Variants in SYT16 observed in about 807,000 individuals in gnomAD.
SYT16 encodes the protein synaptotagmin-16.
A neutral mutation model predicts 61.4 loss-of-function variants in SYT16; 42 were observed. The observed-to-expected ratio is 0.68, with a 90% CI of 0.53 to 0.89. The LOEUF (loss-of-function observed/expected upper bound fraction) is 0.89, where lower values mean the gene tolerates loss of function less well. SYT16 is among the 40% of genes least tolerant of loss of function. The pLI is 0.00. For missense variants in SYT16, 804 were observed against 807.3 expected (o/e 1.00, Z 0.05); for synonymous variants, 314 against 302.3 (o/e 1.04, Z -0.40).
At chr14:61,852,458 C>T (rs2046645909) in intron 1 of SYT16, among the ~76,000 whole-genome samples, 1 of 152,080 alleles carries the variant, frequency 6.6e-6, no homozygotes, top group East Asian at 1.9e-4. Context: ...CTGTAAAGAA[C>T]ATCAATGGTA....
In SYT16 at chr14:62,093,987, T is replaced by C. The variant is rs1595400275; in HGVS notation, c.1625-6407T>C. 2.6e-5 allele frequency among the ~76,000 whole-genome samples: 4 copies of C among 152,260 alleles called. No individual in the cohort carries two copies. The South Asian group carries it at 8.3e-4, about 32-fold the overall frequency. On this transcript the variant is annotated intron_variant, in intron 7 of 7. Transcript: ENST00000683842. Reference sequence around the variant, plus strand: ...AGGCACTCCCCGTTTACTGAGGTGATGATATTCAAAATGTGACCTCCATTG... The same window carrying C: ...AGGCACTCCCCGTTTACTGAGGTGACGATATTCAAAATGTGACCTCCATTG...
intron 1 of SYT16, among the ~76,000 whole-genome samples, chr14:61,849,975 T>C (rs1378594889): frequency 6.6e-6 from 1 of 152,184 alleles, no homozygotes; most frequent in Non-Finnish European, 1.5e-5. Flanking sequence ...TTTTTTTCCA[T>C]AGATATTGAA....
At chr14:61,993,076 C>T (rs1475329693) in intron 2 of SYT16, among the ~76,000 whole-genome samples, 1 of 151,700 alleles carries the variant, frequency 6.6e-6, no homozygotes, top group South Asian at 2.1e-4. Flanking sequence ...GATATGAGGC[C>T]AAGAATATGA....
At chr14:61,887,564 T>G (rs1409542913) in intron 1 of SYT16, among the ~76,000 whole-genome samples, 1 of 152,158 alleles carries the variant, frequency 6.6e-6, no homozygotes, top group Admixed American at 6.5e-5. Context: ...TATAACCAGC[T>G]TCATTAATGA....
intron 1 of SYT16, among the ~76,000 whole-genome samples, chr14:61,863,388 T>C (rs2047026129): frequency 6.6e-6 from 1 of 152,246 alleles, no homozygotes; most frequent in Non-Finnish European, 1.5e-5. Context: ...TTTTTACATG[T>C]TTATTTGCCA....
chr14:62,045,034 A>G (rs1324185789), intron 3 of SYT16, among the ~76,000 whole-genome samples: 4 of 152,156 alleles, frequency 2.6e-5, no homozygotes, highest in Non-Finnish European at 5.9e-5. Flanking sequence ...GCAACTCAGG[A>G]GGCTGAGGCA....
At chr14:61,826,594 C>G (rs939938087) in intron 1 of SYT16, among the ~76,000 whole-genome samples, 10 of 151,894 alleles carry the variant, frequency 6.6e-5, no homozygotes, top group African/African-American at 2.4e-4. Flanking sequence ...TGGACTTGTC[C>G]TGAATACTCC....
intron 3 of SYT16, among the ~76,000 whole-genome samples, chr14:62,034,549 T>C (rs937473300): frequency 6.6e-6 from 1 of 152,172 alleles, no homozygotes; most frequent in African/African-American, 2.4e-5. Context: ...TGACATATGC[T>C]ACAACATGGG....
intron 1 of SYT16, among the ~76,000 whole-genome samples, chr14:61,834,554 C>T (rs2046063075): frequency 6.6e-6 from 1 of 150,518 alleles, no homozygotes; most frequent in African/African-American, 2.5e-5. Flanking sequence ...TCTTCTGCCC[C>T]AGCCTCCCAA....
At chr14:61,886,313 A>G (rs2047898861) in intron 1 of SYT16, among the ~76,000 whole-genome samples, 1 of 152,136 alleles carries the variant, frequency 6.6e-6, no homozygotes, top group South Asian at 2.1e-4. Flanking sequence ...TGCTGCATTG[A>G]TTGACTCTTC....
chr14:62,096,186 A>G (rs1381312334), intron 7 of SYT16, among the ~76,000 whole-genome samples: 2 of 152,160 alleles, frequency 1.3e-5, no homozygotes, highest in Non-Finnish European at 2.9e-5. Context: ...AAAAGCATCA[A>G]CTTAAAAGAA....
intron 1 of SYT16, among the ~76,000 whole-genome samples, chr14:61,915,888 T>G (rs913751803): frequency 1.4e-4 from 22 of 152,328 alleles, no homozygotes; most frequent in African/African-American, 4.8e-4. Context: ...CATCAGTGCA[T>G]CAGTGATATA....
intron 1 of SYT16, among the ~76,000 whole-genome samples, chr14:61,816,989 C>T (rs1344459972): frequency 4.4e-5 from 6 of 135,618 alleles, no homozygotes; most frequent in Admixed American, 7.9e-5. Context: ...CCAGCCTGGG[C>T]GACAGAGTGA....
chr14:62,100,596 G>C lies in SYT16; in HGVS notation c.1827G>C (p.Trp609Cys). The C allele has an allele frequency of 6.2e-7, 1 of 1,613,846 alleles. No individual in the cohort carries two copies. The highest frequency in any genetic ancestry group is 8.5e-7 in the Non-Finnish European group (1 of 1,179,838). The change falls in exon 8 of 8, where the codon TGG becomes TGC. Residue 609 changes from tryptophan to cysteine, a missense_variant. Trp to Cys is a radical substitution (Grantham distance 215). Transcript: ENST00000683842. ...TGAAGCGTAAAGAGATGATTGGCTG[G>C]ATTGCCCTGGGCCAGAACAGCAGTG... ...RTMKRKEMIG[W>C]IALGQNSSGE...
rs142408466 is a variant in SYT16 at position 62,011,926 on chromosome 14, C to CATATATATATATATATATAT, written c.523+15400_523+15401insATATATATATATATATATAT. Among the ~76,000 whole-genome samples the CATATATATATATATATATAT allele has an allele frequency of 1.7e-3, 229 of 132,776 alleles. 3 individuals carry two copies. The highest frequency in any genetic ancestry group is 2.2e-3 in the Non-Finnish European group (143 of 66,012). 87.1% of individuals were successfully genotyped at this position (132,776 alleles called of 152,430 possible). On this transcript the variant is annotated intron_variant, in intron 3 of 7. Transcript: ENST00000683842. ...ACACATATATATACACACACACACA[C>CATATATATATATATATATAT]ATATATATATATATATTTGATGCTG...
At chr14:61,979,665 C>T (rs532289857) in intron 2 of SYT16, among the ~76,000 whole-genome samples, 10 of 152,250 alleles carry the variant, frequency 6.6e-5, no homozygotes, top group African/African-American at 1.2e-4. Context: ...GGGTGGATCA[C>T]GAGGTCAAGA....
rs547136984 is a variant in SYT16 at position 61,945,238 on chromosome 14, G to A, written c.-324-24894G>A. On this transcript the variant is annotated intron_variant, in intron 1 of 7. Transcript: ENST00000683842. ...ATTATTAAACAGTCAGGAAACAACA[G>A]ATGCTGGAAAGGATGTGGAGAAATA... 9.8e-5 allele frequency among the ~76,000 whole-genome samples: 15 copies of A among 152,294 alleles called. 1 individual carries two copies. The South Asian group carries it at 1.0e-3, about 11-fold the overall frequency.
chr14:62,078,127 A>C (rs1230280428), intron 5 of SYT16, among the ~76,000 whole-genome samples: 22 of 110,770 alleles, frequency 2.0e-4, no homozygotes, highest in African/African-American at 4.2e-4. Context: ...CTCTCTCTCT[A>C]GTGCTCTCTC....
chr14:61,980,943 T>A (rs2052044390), intron 2 of SYT16, among the ~76,000 whole-genome samples: 1 of 108,568 alleles, frequency 9.2e-6, no homozygotes, highest in African/African-American at 4.0e-5. Context: ...GTACCAACAT[T>A]GTGTGTGTGT....
Sources: gnomAD v4.1 joint callset for allele counts (sites outside exome capture counted in the v4.1 genomes callset) on GRCh38, gnomAD v4.1.1 for gene constraint, MANE v1.5 for transcripts, NCBI Gene and HGNC (gene_info 2026-07-23, HGNC 2026-07-21) for gene names.